PCAT7: variants seen among roughly 807,000 people sequenced by gnomAD.
PCAT7 encodes prostate cancer associated transcript 7 (non-protein coding).
rs73531436 is a variant in PCAT7, at chr9:94,571,543, G to A, written n.442-1436G>A. 2,683 of 1,613,814 alleles carry A rather than the reference G, an allele frequency of 1.7e-3. 51 individuals are homozygous for A. In the African/African-American group the frequency reaches 0.031, roughly 19 times the overall value. On this transcript the variant is annotated intron_variant and non_coding_transcript_variant, in intron 2 of 8. Transcript: ENST00000647389. ...CACTACCGTACAGCGCATAACCTGC[G>A]GCCACAATATTGCGGCCACACTGCA... is the stretch of plus-strand genomic sequence containing the variant.
intron 2 of PCAT7, among the ~76,000 whole-genome samples, chr9:94,559,749 C>T (rs1386684888): frequency 6.6e-6 from 1 of 152,172 alleles, no homozygotes; most frequent in Non-Finnish European, 1.5e-5. Context: ...TGGTACCACT[C>T]ATCACACTGA....
At chr9:94,561,751 G>GAC (rs761153918) in intron 2 of PCAT7, among the ~76,000 whole-genome samples, 12 of 151,996 alleles carry the variant, frequency 7.9e-5, no homozygotes, top group Non-Finnish European at 1.3e-4. Flanking sequence ...TGCACACACA[G>GAC]ACACACACAC....
intron 2 of PCAT7, among the ~76,000 whole-genome samples, chr9:94,565,781 TAGATA>T (rs1827179516): frequency 2.1e-5 from 3 of 140,394 alleles, no homozygotes; most frequent in African/African-American, 8.4e-5. Context: ...GATAGATAGA[TAGATA>T]GATGATAGAT....
chr9:94,559,601 A>G (rs978781911), intron 2 of PCAT7, among the ~76,000 whole-genome samples: 1 of 151,986 alleles, frequency 6.6e-6, no homozygotes, highest in Non-Finnish European at 1.5e-5. Flanking sequence ...AGTGGCTGGG[A>G]TTGTGTGGAG....
At chr9:94,559,875 C>G (rs1587834317) in intron 2 of PCAT7, among the ~76,000 whole-genome samples, 1 of 152,110 alleles carries the variant, frequency 6.6e-6, no homozygotes, top group Non-Finnish European at 1.5e-5. Flanking sequence ...GGCCTGTAAT[C>G]CCAGGATTTT....
intron 2 of PCAT7, among the ~76,000 whole-genome samples, chr9:94,572,560 A>G (rs1458156943): frequency 6.6e-6 from 1 of 152,188 alleles, no homozygotes; most frequent in Non-Finnish European, 1.5e-5. Flanking sequence ...GAAGCTCCCA[A>G]CACATTTTCA....
At chr9:94,571,581 C>T in intron 2 of PCAT7, 1 of 1,613,558 alleles carries the variant, frequency 6.2e-7, no homozygotes, top group Non-Finnish European at 8.5e-7. Context: ...GCATCCTTTT[C>T]AGAAGGCTCA....
chr9:94,557,922 C>T (rs573044036), intron 1 of PCAT7, among the ~76,000 whole-genome samples: 3 of 152,260 alleles, frequency 2.0e-5, no homozygotes, highest in South Asian at 2.1e-4. Context: ...GGACAAGTGA[C>T]GAGTCATTTA....
intron 1 of PCAT7, among the ~76,000 whole-genome samples, chr9:94,556,989 T>TA (rs1827022067): frequency 6.6e-6 from 1 of 152,166 alleles, no homozygotes; most frequent in Non-Finnish European, 1.5e-5. Context: ...GAGTTGACCG[T>TA]AAACGCGTGA....
intron 1 of PCAT7, among the ~76,000 whole-genome samples, chr9:94,556,947 G>A (rs1391928609): frequency 1.3e-5 from 2 of 152,168 alleles, no homozygotes; most frequent in South Asian, 2.1e-4. Flanking sequence ...TGTCCTTCCC[G>A]AATGTGTGTT....
In PCAT7 at chr9:94,563,289, A is replaced by G. The variant is rs1328725159; in HGVS notation, n.441+4137A>G. The G allele has an allele frequency of 6.3e-6, 10 of 1,589,382 alleles. No individual in the cohort carries two copies. In the East Asian group the frequency reaches 2.0e-4, roughly 32 times the overall value. ...CCAAACAGCAGGTGTGACGGGAGGGAGCTCCCCCACCTCCCTGACCGGATG... is the reference window on the plus strand; with the variant it reads ...CCAAACAGCAGGTGTGACGGGAGGGGGCTCCCCCACCTCCCTGACCGGATG... On this transcript the variant is annotated intron_variant and non_coding_transcript_variant, in intron 2 of 8. Coordinates refer to ENST00000647389, the Ensembl canonical transcript of PCAT7.
chr9:94,567,203 C>T (rs915508652), intron 2 of PCAT7: 3 of 1,568,708 alleles, frequency 1.9e-6, no homozygotes, highest in African/African-American at 1.4e-5. Flanking sequence ...CCCCTGAAGC[C>T]ACCACCCAAA....
chr9:94,572,395 T>C (rs1827279030), intron 2 of PCAT7, among the ~76,000 whole-genome samples: 1 of 152,106 alleles, frequency 6.6e-6, no homozygotes, highest in Admixed American at 6.5e-5. Flanking sequence ...ACTGGCCCAA[T>C]GTGAGTCTCT....
chr9:94,571,142 A>G (rs1827264396), intron 2 of PCAT7, among the ~76,000 whole-genome samples: 1 of 152,198 alleles, frequency 6.6e-6, no homozygotes, highest in Non-Finnish European at 1.5e-5. Context: ...GGAAATTTGC[A>G]GCATTGTGAT....
intron 2 of PCAT7, chr9:94,563,261 T>C: frequency 6.6e-7 from 1 of 1,504,362 alleles, no homozygotes; most frequent in Non-Finnish European, 9.0e-7. Context: ...AGCAGTGCAG[T>C]AGCCAAACAG....
At chr9:94,571,756 G>T (rs1827272634) in intron 2 of PCAT7, among the ~76,000 whole-genome samples, 1 of 152,210 alleles carries the variant, frequency 6.6e-6, no homozygotes, top group Admixed American at 6.5e-5. Context: ...GAAACGAGTG[G>T]CCATGTTGCC....
intron 2 of PCAT7, among the ~76,000 whole-genome samples, chr9:94,561,350 G>GGATT (rs1827096886): frequency 3.3e-5 from 2 of 59,796 alleles, no homozygotes; most frequent in Non-Finnish European, 7.6e-5. Flanking sequence ...CATGTGACCT[G>GGATT]TATTTTTTTT....
intron 3 of PCAT7, chr9:94,573,187 T>C (rs1827286242): frequency 6.6e-6 from 1 of 152,226 alleles, no homozygotes; most frequent in African/African-American, 2.4e-5. Flanking sequence ...TCTTTCACCA[T>C]TAAATGTAAT....
intron 2 of PCAT7, chr9:94,567,402 A>G: frequency 6.2e-7 from 1 of 1,614,064 alleles, no homozygotes; most frequent in Non-Finnish European, 8.5e-7. Flanking sequence ...CAAATTCACC[A>G]AGAGCCTAGC....
Sources: allele counts gnomAD v4.1 joint callset (sites outside exome capture counted in the v4.1 genomes callset), GRCh38; gene constraint gnomAD v4.1.1; transcripts MANE v1.5; gene names NCBI Gene and HGNC (gene_info 2026-07-23, HGNC 2026-07-21).